The following NLRP5 variants were observed in gnomAD, a reference collection of about 807,000 sequenced individuals.
The protein encoded by NLRP5 is NACHT, LRR and PYD domains-containing protein 5.
In NLRP5, 93 loss-of-function variants were observed where a neutral mutation model predicts 113.1. The observed-to-expected ratio is 0.82, with a 90% CI of 0.70 to 0.98. NLRP5 has a LOEUF of 0.98. Among genes scored for constraint, NLRP5 ranks in the 50% least tolerant of loss-of-function variants. NLRP5 has a pLI of 0.00. For synonymous variants in NLRP5, 751 were observed against 600.7 expected (o/e 1.25, Z -3.66); for missense variants, 1,808 against 1,514.3 (o/e 1.19, Z -3.22).
At position 56,053,757 on chromosome 19, in the gene NLRP5, C is replaced by T; in HGVS notation, c.3248C>T (p.Ala1083Val). The stretch of plus-strand genomic sequence containing the variant: ...AATGCCCTGGGTGACGGTGGGGTTG[C>T]TGCGCTGTGCGAGGGACTGAAGCAA... Residue 1083 changes from alanine to valine, a missense_variant, in exon 13 of 15, where the codon GCT becomes GTT. Coordinates refer to ENST00000390649, the MANE Select transcript of NLRP5 (RefSeq NM_153447.4). 1.2e-6 allele frequency: 2 copies of T among 1,613,934 alleles called. No homozygotes were observed. The highest frequency in any genetic ancestry group is 1.7e-6 in the Non-Finnish European group (2 of 1,179,876).
At position 56,041,110 on chromosome 19, in the gene NLRP5, C is replaced by T. The variant is rs765630263; in HGVS notation, c.2957+18C>T. Reference sequence around the variant, plus strand: ...AGGCTGATGTGAGTCTGGCTTGCTCCCCTGCAAGGACTTCCTAGCTTTCTA... The same window carrying T: ...AGGCTGATGTGAGTCTGGCTTGCTCTCCTGCAAGGACTTCCTAGCTTTCTA... On this transcript the variant is annotated intron_variant, in intron 11 of 14. Coordinates refer to ENST00000390649, the MANE Select transcript of NLRP5 (RefSeq NM_153447.4). 1.4e-5 allele frequency: 22 copies of T among 1,612,062 alleles called. No homozygotes were observed. Among genetic ancestry groups the T allele is most frequent in the Admixed American group, 1.0e-4 (6 of 59,864 alleles).
At position 56,061,513 on chromosome 19, in the gene NLRP5, C is replaced by T; in HGVS notation, c.3588C>T (p.Tyr1196=). ...ATTCTTTTGATGAAGATGACCGGTA[C>T]TGGTGGAAAAACTGAAGATACGGAA... is the stretch of plus-strand genomic sequence containing the variant. The change falls in exon 15 of 15, where the codon TAC becomes TAT. Residue 1196 remains tyrosine, a synonymous_variant. Coordinates refer to ENST00000390649, the MANE Select transcript of NLRP5 (RefSeq NM_153447.4). 1 of 1,613,990 alleles carries T rather than the reference C, an allele frequency of 6.2e-7. No individual in the cohort carries two copies. The highest frequency in any genetic ancestry group is 8.5e-7 in the Non-Finnish European group (1 of 1,179,874).
intron 10 of NLRP5, 67 bp downstream of exon 10, chr19:56,038,262 T>A (rs1331353040): frequency 1.3e-6 from 2 of 1,520,352 alleles, no homozygotes; most frequent in Admixed American, 1.7e-5. Flanking sequence ...ACTTCGATTC[T>A]CCAGGTCATG....
At chr19:56,054,627 C>T (rs1001777675) in intron 13 of NLRP5, among the ~76,000 whole-genome samples, 5 of 150,740 alleles carry the variant, frequency 3.3e-5, no homozygotes, top group Admixed American at 6.6e-5. Context: ...TTGAAAACGT[C>T]GTGCTGAGTG....
the NLRP5 span, chr19:55,988,309 C>A: frequency 1.6e-3 from 259 of 160,968 alleles, 3 homozygotes; most frequent in African/African-American, 6.0e-3. Flanking sequence ...GCAGGAGAAT[C>A]ACTTGAATCT....
chr19:56,050,673 C>T (rs1046238485), intron 12 of NLRP5, 85 bp downstream of exon 12: 37 of 1,365,238 alleles, frequency 2.7e-5, no homozygotes, highest in African/African-American at 1.2e-4. Flanking sequence ...GCAGGGAGAC[C>T]GGAACCAAAA....
At chr19:56,029,038 T>A (rs998723289) in intron 7 of NLRP5, among the ~76,000 whole-genome samples, 4 of 152,002 alleles carry the variant, frequency 2.6e-5, no homozygotes, top group African/African-American at 9.7e-5. Context: ...GTGCTGGGAT[T>A]ACAGGCATCA....
At chr19:55,987,899 C>G in the NLRP5 span, 1 of 1,613,062 alleles carries the variant, frequency 6.2e-7, no homozygotes, top group Non-Finnish European at 8.5e-7. Context: ...CTGCCTATCC[C>G]AGATTAATCC....
At chr19:55,998,714 G>GTGTATATATATATATATGTGTATA (rs796632835), upstream of NLRP5, among the ~76,000 whole-genome samples, 55 of 75,966 alleles carry the variant, frequency 7.2e-4, no homozygotes, top group African/African-American at 1.1e-3. Flanking sequence ...GTGTGTGTGT[G>GTGTATATATATATATATGTGTATA]TATATATATA....
chr19:55,999,259 A>T (rs1451918099), upstream of NLRP5, among the ~76,000 whole-genome samples: 1 of 137,594 alleles, frequency 7.3e-6, no homozygotes, highest in Non-Finnish European at 1.5e-5. Context: ...TTGTTGCCCA[A>T]GCTGGAGTGC....
intron 11 of NLRP5, among the ~76,000 whole-genome samples, chr19:56,049,206 T>C (rs554498746): frequency 1.4e-5 from 2 of 147,974 alleles, no homozygotes; most frequent in South Asian, 4.3e-4. Flanking sequence ...AGAGACGGAG[T>C]TTTACTCTTG....
Position 56,028,315 on chromosome 19 carries a change from TCAAGA to T in NLRP5, c.2086_2090del (p.Asp696ArgfsTer18), listed in dbSNP as rs764142060. The T allele has an allele frequency of 1.9e-6, 3 of 1,613,962 alleles. No individual in the cohort carries two copies. In the Admixed American group the frequency reaches 5.0e-5, roughly 27 times the overall value. On this transcript the variant is annotated frameshift_variant, in exon 7 of 15. Transcript: ENST00000390649. LOFTEE classifies it high-confidence loss of function. ...ACGCCTTCCACTGTCTTTTCGAGAC[TCAAGA>T]CAAAGAGTTTGTTCGCTTGGCATTA...
intron 12 of NLRP5, among the ~76,000 whole-genome samples, chr19:56,051,176 C>A (rs908547274): frequency 3.3e-5 from 5 of 151,586 alleles, no homozygotes; most frequent in Non-Finnish European, 4.4e-5. Flanking sequence ...CAACTTAATG[C>A]GTTCTCTTTT....
chr19:56,024,060 T>A (rs544892032), intron 6 of NLRP5, among the ~76,000 whole-genome samples: 1 of 152,228 alleles, frequency 6.6e-6, no homozygotes, highest in East Asian at 1.9e-4. Flanking sequence ...GCTTACATTA[T>A]AAGCTAGGGG....
intron 3 of NLRP5, among the ~76,000 whole-genome samples, chr19:56,009,217 G>A (rs974037571): frequency 2.0e-5 from 3 of 151,650 alleles, no homozygotes; most frequent in African/African-American, 7.3e-5. Flanking sequence ...GTGGGTGCCT[G>A]TAATCCCAGC....
intron 11 of NLRP5, among the ~76,000 whole-genome samples, chr19:56,044,977 G>A (rs1433247778): frequency 6.6e-6 from 1 of 152,176 alleles, no homozygotes; most frequent in African/African-American, 2.4e-5. Context: ...TTTTGCAGCT[G>A]TTGTAAAAGG....
At chr19:55,993,870 G>C in the NLRP5 span, among the ~76,000 whole-genome samples, 6 of 151,356 alleles carry the variant, frequency 4.0e-5, no homozygotes, top group Non-Finnish European at 7.4e-5. Flanking sequence ...TGTATACCAC[G>C]TTTTCTTGAT....
At chr19:56,039,360 T>A (rs1341308314) in intron 10 of NLRP5, among the ~76,000 whole-genome samples, 1 of 152,184 alleles carries the variant, frequency 6.6e-6, no homozygotes, top group Admixed American at 6.5e-5. Context: ...TCAGTAGCCA[T>A]GTGGGGCTAG....
At chr19:55,998,854 A>T (rs592690), upstream of NLRP5, among the ~76,000 whole-genome samples, 138,249 of 150,942 alleles carry the variant, frequency 0.92, 63,451 homozygotes, top group African/African-American at 0.98. Flanking sequence ...TGCGATGTTT[A>T]GATATATGTA....
Sources: allele counts gnomAD v4.1 joint callset (sites outside exome capture counted in the v4.1 genomes callset), GRCh38; gene constraint gnomAD v4.1.1; transcripts MANE v1.5; gene names NCBI Gene and HGNC (gene_info 2026-07-23, HGNC 2026-07-21).